PGAP1: variants seen among roughly 807,000 people sequenced by gnomAD.
PGAP1 encodes the protein GPI inositol-deacylase.
A neutral mutation model predicts 127.0 loss-of-function variants in PGAP1; 76 were observed. That is an observed-to-expected ratio of 0.60 (90% CI 0.50 to 0.72). The LOEUF is 0.72. Among genes scored for constraint, PGAP1 ranks in the 30% least tolerant of loss-of-function variants. The pLI is 0.00. For synonymous variants in PGAP1, 362 were observed against 366.5 expected (o/e 0.99, Z 0.14); for missense variants, 982 against 1,071.3 (o/e 0.92, Z 1.16).
At chr2:196,868,600 A>C (rs1246018768) in intron 19 of PGAP1, among the ~76,000 whole-genome samples, 2 of 152,222 alleles carry the variant, frequency 1.3e-5, no homozygotes, top group Non-Finnish European at 2.9e-5. Flanking sequence ...GCAACACTGG[A>C]CTTCATTACT....
At chr2:196,846,458 C>T (rs769988679) in intron 22 of PGAP1, among the ~76,000 whole-genome samples, 4 of 152,132 alleles carry the variant, frequency 2.6e-5, no homozygotes, top group African/African-American at 9.7e-5. Context: ...CCATAATCCC[C>T]TCTGTGACAG....
chr2:196,922,243 T>G (rs1411071321), intron 1 of PGAP1: 1 of 1,241,714 alleles, frequency 8.1e-7, no homozygotes, highest in East Asian at 5.9e-5. Context: ...AGAAAAATGC[T>G]GATTTAAGAA....
rs1270627800 is a variant in PGAP1 at position 196,840,081 on chromosome 2, A to G, written c.*1153T>C. 6.6e-6 allele frequency: 1 copy of G among 152,212 alleles called. No individual in the cohort carries two copies. Among genetic ancestry groups the G allele is most frequent in the East Asian group, 1.9e-4 (1 of 5,190 alleles). 9.4% of individuals were successfully genotyped at this position (152,212 alleles called of 1,614,324 possible). On this transcript the variant is annotated 3_prime_UTR_variant, in exon 27 of 27. Transcript: ENST00000354764. ...AGCTAAAAGTGACGTAAATTCTGAA[A>G]TGAAATAAAATGTTACTCTTATTTG...
intron 12 of PGAP1, among the ~76,000 whole-genome samples, chr2:196,883,373 G>A (rs1380953647): frequency 2.0e-5 from 3 of 152,298 alleles, no homozygotes; most frequent in Non-Finnish European, 2.9e-5. Flanking sequence ...CATGTGGGAT[G>A]TTTATCAAAC....
At chr2:196,903,224 T>C (rs1702558387) in intron 4 of PGAP1, among the ~76,000 whole-genome samples, 1 of 151,660 alleles carries the variant, frequency 6.6e-6, no homozygotes, top group African/African-American at 2.4e-5. Flanking sequence ...CGGTATTTTA[T>C]ATATCAATTA....
chr2:196,879,229 A>G (rs79460877), intron 13 of PGAP1, among the ~76,000 whole-genome samples: 1 of 152,200 alleles, frequency 6.6e-6, no homozygotes, highest in East Asian at 1.9e-4. Context: ...ACTTGCCACC[A>G]TGCCTACTTG....
At chr2:196,922,569 C>G (rs1191629920) in intron 1 of PGAP1, 39 of 860,966 alleles carry the variant, frequency 4.5e-5, no homozygotes, top group Non-Finnish European at 5.2e-5. Context: ...CTAACACACA[C>G]ACACACAGAC....
chr2:196,878,137 A>G (rs1701621621), intron 13 of PGAP1, among the ~76,000 whole-genome samples: 1 of 152,014 alleles, frequency 6.6e-6, no homozygotes. Flanking sequence ...TTTTCTTTCT[A>G]TTCCCACTTC....
chr2:196,853,932 T>G, intron 20 of PGAP1, among the ~76,000 whole-genome samples: 1 of 145,140 alleles, frequency 6.9e-6, no homozygotes, highest in African/African-American at 2.6e-5. Flanking sequence ...TTTTTTTTTT[T>G]GGTGGAGGAG....
intron 7 of PGAP1, 33 bp downstream of exon 7, chr2:196,897,098 C>T (rs759860605): frequency 8.1e-7 from 1 of 1,239,804 alleles, no homozygotes; most frequent in South Asian, 1.4e-5. Flanking sequence ...TAAAAGCTTT[C>T]ATTTAAATAA....
chr2:196,912,212 T>C (rs1173773127), intron 4 of PGAP1, among the ~76,000 whole-genome samples: 1 of 152,196 alleles, frequency 6.6e-6, no homozygotes, highest in Non-Finnish European at 1.5e-5. Context: ...TAGCATACCT[T>C]TGTACTTAAA....
In PGAP1 at chr2:196,874,314, CCT is replaced by C. The variant is rs145204103; in HGVS notation, c.1427-558_1427-557del. 2.2e-3 allele frequency among the ~76,000 whole-genome samples: 330 copies of C among 151,962 alleles called. 2 individuals carry two copies. Among genetic ancestry groups the C allele is most frequent in the African/African-American group, 7.5e-3 (313 of 41,496 alleles). ...TATAGCCCAATGAATAAAATAGATA[CCT>C]CTGAGTCCATAGTGACATAAATAAA... On this transcript the variant is annotated intron_variant, in intron 14 of 26. Transcript: ENST00000354764.
chr2:196,919,603 C>T (rs531419119), intron 2 of PGAP1, among the ~76,000 whole-genome samples: 71 of 152,188 alleles, frequency 4.7e-4, no homozygotes, highest in Admixed American at 2.4e-3. Context: ...AAGAAGAAAA[C>T]GAATCTCTCT....
chr2:196,891,868 A>G (rs982012743), intron 9 of PGAP1, among the ~76,000 whole-genome samples: 2 of 152,112 alleles, frequency 1.3e-5, no homozygotes, highest in Non-Finnish European at 1.5e-5. Flanking sequence ...AACAAAAACA[A>G]AACAAAAATC....
intron 22 of PGAP1, among the ~76,000 whole-genome samples, chr2:196,846,733 C>A (rs1320570518): frequency 6.6e-6 from 1 of 152,146 alleles, no homozygotes; most frequent in Non-Finnish European, 1.5e-5. Context: ...GGGAAAGATT[C>A]ACAACCACGA....
At chr2:196,855,112 CAG>C (rs1700837524) in intron 20 of PGAP1, among the ~76,000 whole-genome samples, 1 of 151,794 alleles carries the variant, frequency 6.6e-6, no homozygotes, top group Non-Finnish European at 1.5e-5. Flanking sequence ...TGCCTGAGCT[CAG>C]GAGTTTGAGA....
intron 10 of PGAP1, among the ~76,000 whole-genome samples, chr2:196,887,200 C>T (rs536272751): frequency 9.2e-5 from 14 of 152,012 alleles, no homozygotes; most frequent in East Asian, 3.9e-4. Flanking sequence ...CTGGCTAACA[C>T]GGTGAAACCC....
At chr2:196,861,612 G>T (rs1701067080) in intron 20 of PGAP1, among the ~76,000 whole-genome samples, 1 of 152,160 alleles carries the variant, frequency 6.6e-6, no homozygotes, top group African/African-American at 2.4e-5. Flanking sequence ...AAGGCAGGCA[G>T]ATCGCCTGAG....
intron 20 of PGAP1, among the ~76,000 whole-genome samples, chr2:196,849,452 TTTTA>T (rs1258923334): frequency 6.6e-6 from 1 of 151,382 alleles, no homozygotes; most frequent in African/African-American, 2.4e-5. Flanking sequence ...TTTTTTTTTT[TTTTA>T]GTAGAGACGG....
Sources: gnomAD v4.1 joint callset for allele counts (sites outside exome capture counted in the v4.1 genomes callset) on GRCh38, gnomAD v4.1.1 for gene constraint, MANE v1.5 for transcripts, NCBI Gene and HGNC (gene_info 2026-07-23, HGNC 2026-07-21) for gene names.